The following DMD variants were observed in gnomAD, a reference collection of about 807,000 sequenced individuals.
DMD encodes the protein dystrophin.
Under a neutral mutation model 330.1 loss-of-function variants are expected in DMD, and 63 were observed. That is an observed-to-expected ratio of 0.19 (90% CI 0.16 to 0.24). DMD has a LOEUF of 0.24. Among genes scored for constraint, DMD ranks in the 10% least tolerant of loss-of-function variants. The probability of loss-of-function intolerance (pLI) is 1.00; values close to 1 mark genes in which losing one functional copy is unlikely to be tolerated. For synonymous variants in DMD, 1,223 were observed against 959.8 expected (o/e 1.27, Z -5.07); for missense variants, 3,344 against 2,684.1 (o/e 1.25, Z -5.43).
chrX:32,033,014 A>T (rs1201620014), intron 44 of DMD, among the ~76,000 whole-genome samples: 3 of 112,461 alleles, frequency 2.7e-5, no homozygotes, highest in African/African-American at 9.7e-5. Context: ...TGAATAGATA[A>T]ATGTGGTATA....
At chrX:31,331,048 G>A (rs1272034471) in intron 61 of DMD, among the ~76,000 whole-genome samples, 1 of 112,413 alleles carries the variant, frequency 8.9e-6, no homozygotes, top group East Asian at 2.8e-4. Flanking sequence ...CAACAGCAGA[G>A]ACAGATGGGC....
intron 23 of DMD, among the ~76,000 whole-genome samples, chrX:32,467,456 A>G (rs909108832): frequency 6.3e-5 from 7 of 110,802 alleles, no homozygotes; most frequent in African/African-American, 2.3e-4. Context: ...GGTTTCAGGA[A>G]GAAGGTGATG....
intron 17 of DMD, among the ~76,000 whole-genome samples, chrX:32,540,213 T>C (rs2048364355): frequency 9.0e-6 from 1 of 111,354 alleles, no homozygotes; most frequent in Non-Finnish European, 1.9e-5. Flanking sequence ...GATAATTACC[T>C]ACGTGTACAA....
At chrX:31,752,774 G>T (rs1236586717) in intron 51 of DMD, among the ~76,000 whole-genome samples, 1 of 111,091 alleles carries the variant, frequency 9.0e-6, no homozygotes, top group Admixed American at 9.6e-5. Flanking sequence ...CCTTAGCTCA[G>T]CTTTGTTCAT....
At chrX:31,551,549 G>A (rs2074488572) in intron 55 of DMD, among the ~76,000 whole-genome samples, 1 of 112,259 alleles carries the variant, frequency 8.9e-6, no homozygotes, top group African/African-American at 3.2e-5. Flanking sequence ...TGCACACACT[G>A]TTCACAAAGG....
At chrX:31,748,445 G>A (rs2088051253) in intron 51 of DMD, among the ~76,000 whole-genome samples, 2 of 111,759 alleles carry the variant, frequency 1.8e-5, no homozygotes, top group African/African-American at 6.5e-5. Context: ...AAATATCCAT[G>A]CTGTAATATT....
chrX:32,244,058 A>C (rs2097220282), intron 43 of DMD, among the ~76,000 whole-genome samples: 2 of 96,535 alleles, frequency 2.1e-5, no homozygotes, highest in African/African-American at 7.6e-5. Context: ...GCACCCACTA[A>C]CTCGTCATCT....
At chrX:32,809,458 T>C (rs995875406) in intron 7 of DMD, 35 bp downstream of exon 7, 12 of 1,073,677 alleles carry the variant, frequency 1.1e-5, no homozygotes, top group Admixed American at 4.4e-5. Context: ...AACTCTACCA[T>C]ACTAAAAGCA....
At chrX:32,222,807 T>C (rs1339020825) in intron 43 of DMD, among the ~76,000 whole-genome samples, 2 of 112,256 alleles carry the variant, frequency 1.8e-5, no homozygotes, top group Non-Finnish European at 3.8e-5. Flanking sequence ...GGACTTAAAG[T>C]ATTTAAATAG....
intron 60 of DMD, among the ~76,000 whole-genome samples, chrX:31,429,274 T>C (rs1362796122): frequency 8.9e-6 from 1 of 112,130 alleles, no homozygotes; most frequent in Non-Finnish European, 1.9e-5. Flanking sequence ...TTGCTCATGG[T>C]TCTGTGAGTT....
At chrX:33,256,812 T>A (rs923409996) in intron 1 of DMD, among the ~76,000 whole-genome samples, 2 of 110,765 alleles carry the variant, frequency 1.8e-5, no homozygotes, top group Non-Finnish European at 3.8e-5. Flanking sequence ...AGTGCAATGT[T>A]TCTTCTTTAC....
At chrX:32,302,137 G>T (rs1400794276) in intron 42 of DMD, among the ~76,000 whole-genome samples, 1 of 111,149 alleles carries the variant, frequency 9.0e-6, no homozygotes, top group Non-Finnish European at 1.9e-5. Context: ...CAACTTTAGG[G>T]TGGTGAGAAA....
intron 44 of DMD, among the ~76,000 whole-genome samples, chrX:32,010,745 A>G (rs1313968576): frequency 9.0e-6 from 1 of 111,672 alleles, no homozygotes; most frequent in Non-Finnish European, 1.9e-5. Context: ...TTTGGCTATC[A>G]CTCAGTGGTT....
intron 12 of DMD, among the ~76,000 whole-genome samples, chrX:32,609,552 T>A (rs1198622235): frequency 9.0e-6 from 1 of 111,190 alleles, no homozygotes; most frequent in Non-Finnish European, 1.9e-5. Context: ...TAGAATGCAA[T>A]GGAATGAAAT....
intron 38 of DMD, 147 bp from the exon 39 acceptor site, chrX:32,346,227 T>C: frequency 3.2e-6 from 2 of 626,298 alleles, no homozygotes; most frequent in Non-Finnish European, 4.8e-6. Flanking sequence ...ACTGTGCTCA[T>C]AGCCTTTCTT....
intron 2 of DMD, among the ~76,000 whole-genome samples, chrX:32,875,399 C>T (rs1414620354): frequency 8.9e-6 from 1 of 112,070 alleles, no homozygotes; most frequent in Non-Finnish European, 1.9e-5. Context: ...TACTTTCAAC[C>T]TGCTGTGAGA....
chrX:31,921,688 T>C (rs1243060286), intron 47 of DMD, among the ~76,000 whole-genome samples: 1 of 112,395 alleles, frequency 8.9e-6, no homozygotes, highest in Non-Finnish European at 1.9e-5. Context: ...GTGTTACACA[T>C]TTCCCATTTA....
chrX:31,396,152 T>G (rs375528538), intron 60 of DMD, among the ~76,000 whole-genome samples: 7,721 of 108,184 alleles, frequency 0.071, 667 homozygotes, highest in African/African-American at 0.24. Flanking sequence ...TTTTTTTTTT[T>G]TTTGAGACGG....
chrX:33,211,134 A>G, intron 1 of DMD, 148 bp downstream of exon 1: 1 of 640,466 alleles, frequency 1.6e-6, no homozygotes, highest in South Asian at 4.0e-5. Flanking sequence ...TTCCTGAATA[A>G]ATACATATAT....
Sources: gnomAD v4.1 joint callset for allele counts (sites outside exome capture counted in the v4.1 genomes callset) on GRCh38, gnomAD v4.1.1 for gene constraint, MANE v1.5 for transcripts, NCBI Gene and HGNC (gene_info 2026-07-23, HGNC 2026-07-21) for gene names.